Variants in EFCAB6 observed in about 807,000 individuals in gnomAD.
EFCAB6 encodes the protein EF-hand calcium binding domain 6.
EFCAB6 carries 156 observed loss-of-function variants against 169.8 expected under a neutral mutation model. The ratio of observed to expected loss-of-function variants is 0.92; its 90% CI spans 0.81 to 1.05. The LOEUF (loss-of-function observed/expected upper bound fraction) is 1.05, where lower values mean the gene tolerates loss of function less well. Among genes scored for constraint, EFCAB6 ranks in the 50% least tolerant of loss-of-function variants. EFCAB6 has a pLI of 0.00. For missense variants in EFCAB6, 1,800 were observed against 1,829.1 expected (o/e 0.98, Z 0.29); for synonymous variants, 698 against 676.4 (o/e 1.03, Z -0.50).
At chr22:43,580,913 C>T (rs148180126) in intron 24 of EFCAB6, among the ~76,000 whole-genome samples, 8 of 152,298 alleles carry the variant, frequency 5.3e-5, no homozygotes, top group South Asian at 2.1e-4. Flanking sequence ...CACAGCTGCC[C>T]GACCTGAAGA....
Position 43,628,899 on chromosome 22 carries a change from C to T in EFCAB6, c.2233-2220G>A, listed in dbSNP as rs181575422. ...ATGAGTCTGGGCTCTGATCTGTTCC[C>T]TGTTGCAGCTCCAGCTCTCCGAGCC... is the stretch of plus-strand genomic sequence containing the variant. On this transcript the variant is annotated intron_variant, in intron 19 of 31. Transcript: ENST00000262726. This position sits in a 1 kb window ranked among gnomAD's most constrained non-coding sequence, Gnocchi z 4.8. 8.5e-5 allele frequency among the ~76,000 whole-genome samples: 13 copies of T among 152,330 alleles called. No homozygotes were observed. Among genetic ancestry groups the T allele is most frequent in the Non-Finnish European group, 1.9e-4 (13 of 68,032 alleles).
intron 3 of EFCAB6, among the ~76,000 whole-genome samples, chr22:43,779,526 G>C (rs2061745203): frequency 6.6e-6 from 1 of 152,150 alleles, no homozygotes; most frequent in Non-Finnish European, 1.5e-5. Context: ...CGGATCACAA[G>C]GTCAAGAGAT....
intron 2 of EFCAB6, among the ~76,000 whole-genome samples, chr22:43,784,292 C>G (rs1286717116): frequency 1.3e-5 from 2 of 151,682 alleles, no homozygotes; most frequent in Admixed American, 1.3e-4. Flanking sequence ...CTTCCCTGAG[C>G]AAACAAAAAT....
intron 21 of EFCAB6, among the ~76,000 whole-genome samples, chr22:43,614,842 C>T (rs562630109): frequency 3.3e-5 from 5 of 152,024 alleles, no homozygotes; most frequent in African/African-American, 1.2e-4. Flanking sequence ...TCTGTGGAGT[C>T]CACAGCACAG....
chr22:43,648,404 T>C (rs1404073594), intron 17 of EFCAB6, among the ~76,000 whole-genome samples: 1 of 152,244 alleles, frequency 6.6e-6, no homozygotes, highest in Non-Finnish European at 1.5e-5. Context: ...TCATGTCCTT[T>C]GCACAACATG....
chr22:43,731,547 C>T (rs758532241), intron 8 of EFCAB6, 152 bp downstream of exon 8: 20 of 492,656 alleles, frequency 4.1e-5, no homozygotes, highest in African/African-American at 8.0e-5. Flanking sequence ...TAGGCATTGA[C>T]GTTATTCTTA....
chr22:43,748,997 C>A (rs190808609), intron 6 of EFCAB6, among the ~76,000 whole-genome samples: 239 of 152,292 alleles, frequency 1.6e-3, no homozygotes, highest in African/African-American at 5.7e-3. Context: ...CAACGGGAAA[C>A]CCAGCTAAGG....
At chr22:43,801,610 T>G (rs963577882) in intron 2 of EFCAB6, among the ~76,000 whole-genome samples, 1 of 152,204 alleles carries the variant, frequency 6.6e-6, no homozygotes, top group South Asian at 2.1e-4. Flanking sequence ...GTGTAGAGTT[T>G]TTTCATTTCT....
At chr22:43,758,314 T>C (rs1003839198) in intron 5 of EFCAB6, among the ~76,000 whole-genome samples, 2 of 152,214 alleles carry the variant, frequency 1.3e-5, no homozygotes, top group Admixed American at 6.5e-5. Context: ...GTATCTGTTG[T>C]AGATTTTTTT....
chr22:43,712,590 T>C lies in EFCAB6; in HGVS notation c.883-967A>G, dbSNP rs1430762846. On this transcript the variant is annotated intron_variant, in intron 9 of 31. Coordinates refer to ENST00000262726, the MANE Select transcript of EFCAB6 (RefSeq NM_022785.4). The stretch of plus-strand genomic sequence containing the variant: ...GAAAGGACCTAAGCTTCTTAGAAAA[T>C]TGCATAAAATTAACCCAAAGAGCAG... Among the ~76,000 whole-genome samples the C allele has an allele frequency of 2.0e-5, 3 of 152,136 alleles. No homozygotes were observed. The East Asian group carries it at 5.8e-4, about 29-fold the overall frequency.
intron 8 of EFCAB6, 55 bp downstream of exon 8, chr22:43,731,644 A>G (rs2059953291): frequency 1.0e-5 from 11 of 1,097,980 alleles, no homozygotes; most frequent in African/African-American, 1.6e-5. Flanking sequence ...AAGAACAGGA[A>G]TTACCATGCC....
In EFCAB6 at chr22:43,651,191, G is replaced by C. The variant is rs1014695420; in HGVS notation, c.1983+15913C>G. ...CCATCACAGGCCTGGAGGTCTAGGA[G>C]GAAAAAGCAGTTTCATAGGCTGGGC... On this transcript the variant is annotated intron_variant, in intron 17 of 31. Transcript: ENST00000262726. 2.0e-5 allele frequency among the ~76,000 whole-genome samples: 3 copies of C among 152,312 alleles called. 1 individual carries two copies. Among genetic ancestry groups the C allele is most frequent in the Non-Finnish European group, 4.4e-5 (3 of 68,028 alleles).
At chr22:43,654,528 A>T (rs527929712) in intron 17 of EFCAB6, among the ~76,000 whole-genome samples, 1 of 152,384 alleles carries the variant, frequency 6.6e-6, no homozygotes, top group African/African-American at 2.4e-5. Flanking sequence ...CCTTCCAAAA[A>T]CACATTACCC....
At chr22:43,595,969 T>C (rs2051968470) in intron 23 of EFCAB6, among the ~76,000 whole-genome samples, 1 of 152,102 alleles carries the variant, frequency 6.6e-6, no homozygotes, top group Non-Finnish European at 1.5e-5. Context: ...ATGTGATACA[T>C]CACATCAACA....
chr22:43,750,096 C>T (rs144064760), intron 6 of EFCAB6, among the ~76,000 whole-genome samples: 1 of 152,122 alleles, frequency 6.6e-6, no homozygotes, highest in Non-Finnish European at 1.5e-5. Context: ...TGCGTTTGCA[C>T]TATTAATTTG....
chr22:43,652,715 C>T (rs183696087), intron 17 of EFCAB6, among the ~76,000 whole-genome samples: 1 of 151,850 alleles, frequency 6.6e-6, no homozygotes, highest in Admixed American at 6.6e-5. Flanking sequence ...TAAAAATCTA[C>T]CTGGCATTCT....
chr22:43,574,650 A>C (rs2050120409), intron 26 of EFCAB6, among the ~76,000 whole-genome samples: 1 of 152,124 alleles, frequency 6.6e-6, no homozygotes, highest in South Asian at 2.1e-4. Flanking sequence ...AATGACAAAA[A>C]AAAAAAAACC....
At chr22:43,532,866 C>G (rs1397078813) in intron 30 of EFCAB6, among the ~76,000 whole-genome samples, 3 of 152,256 alleles carry the variant, frequency 2.0e-5, no homozygotes, top group African/African-American at 7.2e-5. Context: ...CAGCCCGACA[C>G]TTCTGGTCCC....
chr22:43,633,383 A>G (rs1023962058), intron 18 of EFCAB6, among the ~76,000 whole-genome samples: 2 of 152,086 alleles, frequency 1.3e-5, no homozygotes, highest in African/African-American at 4.8e-5. Flanking sequence ...CCCCATCTCT[A>G]CTAAAAATAC....
Sources: gnomAD v4.1 joint callset for allele counts (sites outside exome capture counted in the v4.1 genomes callset) on GRCh38, gnomAD v4.1.1 for gene constraint, Gnocchi (gnomAD v3.1) non-coding constraint, MANE v1.5 for transcripts, NCBI Gene and HGNC (gene_info 2026-07-23, HGNC 2026-07-21) for gene names.